The following CD6 variants were observed in gnomAD, a reference collection of about 807,000 sequenced individuals.
CD6 encodes the protein CD6 molecule, also known as T-cell differentiation antigen CD6.
In CD6, 53 loss-of-function variants were observed where a neutral mutation model predicts 75.3. The observed-to-expected ratio is 0.70, with a 90% CI of 0.56 to 0.88. The LOEUF (loss-of-function observed/expected upper bound fraction) is 0.88. Ranked by LOEUF, CD6 falls within the 40% of genes least tolerant of loss-of-function variation. The pLI is 0.00. For missense variants in CD6, 770 were observed against 897.1 expected, an observed-to-expected ratio of 0.86 and a Z score of 1.81; for synonymous variants, 359 against 381.5, an observed-to-expected ratio of 0.94 and a Z score of 0.69.
rs796670988 is a variant in CD6, at chr11:61,000,592, C to G, written c.50-5982C>G. On this transcript the variant is annotated intron_variant, in intron 1 of 12. Coordinates refer to ENST00000313421, the MANE Select transcript of CD6 (RefSeq NM_006725.5). ...GCCAGGGCGGCATTCTGGGGAGTGC[C>G]TTGTTTCCCCACCAGGCTTGCTCTG... is the stretch of plus-strand genomic sequence containing the variant. Among the ~76,000 whole-genome samples, 4 of 152,170 alleles carry G rather than the reference C, an allele frequency of 2.6e-5. No individual in the cohort carries two copies. In the South Asian group the frequency reaches 8.3e-4, roughly 32 times the overall value.
intron 6 of CD6, 150 bp from the exon 7 acceptor site, chr11:61,013,273 A>C: frequency 1.2e-6 from 1 of 852,254 alleles, no homozygotes; most frequent in Non-Finnish European, 1.8e-6. Flanking sequence ...TACACCACAC[A>C]CTTAAAAGCA....
rs547790462 is a variant in CD6, at chr11:60,992,342, T to A, written c.50-14232T>A. ...GCCCAGCTTGTGAGGCTTTTTTTTT[T>A]TATATATAACTATGAGGTGAGGGAG... On this transcript the variant is annotated intron_variant, in intron 1 of 12. Coordinates refer to ENST00000313421, the MANE Select transcript of CD6 (RefSeq NM_006725.5). Among the ~76,000 whole-genome samples, 440 of 151,568 alleles carry A rather than the reference T, an allele frequency of 2.9e-3. 1 individual carries two copies. The highest frequency in any genetic ancestry group is 4.5e-3 in the Non-Finnish European group (305 of 67,858).
At chr11:60,980,626 C>T (rs1022098248) in intron 1 of CD6, among the ~76,000 whole-genome samples, 6 of 152,128 alleles carry the variant, frequency 3.9e-5, no homozygotes, top group Non-Finnish European at 8.8e-5. Context: ...GTCAGGAGTC[C>T]GAGACCAGCC....
intron 1 of CD6, among the ~76,000 whole-genome samples, chr11:61,005,272 T>C (rs1858793427): frequency 6.6e-6 from 1 of 152,208 alleles, no homozygotes; most frequent in Non-Finnish European, 1.5e-5. Flanking sequence ...GAGTGGTCAG[T>C]GAGTCCGAGT....
At chr11:60,993,058 C>T (rs11230553) in intron 1 of CD6, among the ~76,000 whole-genome samples, 36,256 of 151,828 alleles carry the variant, frequency 0.24, 4,430 homozygotes, top group East Asian at 0.31. Flanking sequence ...GGGACCTTCT[C>T]ATTTTACCAC....
chr11:61,011,285 G>A, intron 6 of CD6, 150 bp downstream of exon 6: 1 of 667,142 alleles, frequency 1.5e-6, no homozygotes, highest in Admixed American at 2.4e-5. Flanking sequence ...CCTCCCCGGG[G>A]CTCTCTGGGT....
Position 61,008,517 on chromosome 11 carries a change from C to G in CD6, c.470-17C>G. On this transcript the variant is annotated splice_polypyrimidine_tract_variant and intron_variant, in intron 3 of 12. Coordinates refer to ENST00000313421, the MANE Select transcript of CD6 (RefSeq NM_006725.5). ...TGGTCGGGTGCCCCAGCATCCACAA[C>G]CCCCTCCCACCCCTAGAGAACCGCG... 6.4e-7 allele frequency: 1 copy of G among 1,566,472 alleles called. No homozygotes were observed. Among genetic ancestry groups the G allele is most frequent in the Non-Finnish European group, 8.7e-7 (1 of 1,154,682 alleles).
Position 61,008,615 on chromosome 11 carries a change from C to A in CD6, c.551C>A (p.Ser184Ter), listed in dbSNP as rs1229347505. ...VEMLEHGEWG[S>*]VCDDTWDLED... ...ATGCTGGAGCATGGCGAGTGGGGAT[C>A]AGTGTGCGATGACACTTGGGACCTG... The change falls in exon 4 of 13, where the codon TCA becomes TAA. Residue 184 changes from serine (S) to a stop codon, truncating the protein, a stop_gained. Transcript: ENST00000313421. LOFTEE classifies it high-confidence loss of function. The A allele has an allele frequency of 6.2e-7, 1 of 1,608,112 alleles. No homozygotes were observed. Among genetic ancestry groups the A allele is most frequent in the East Asian group, 2.2e-5 (1 of 44,652 alleles).
rs1450777082 is a variant in CD6, at chr11:61,020,062, G to A, written c.*744G>A. 4 of 398,140 alleles carry A rather than the reference G, an allele frequency of 1.0e-5. No homozygotes were observed. Among genetic ancestry groups the A allele is most frequent in the Non-Finnish European group, 1.8e-5 (4 of 226,102 alleles). 24.7% of individuals were successfully genotyped at this position (398,140 alleles called of 1,614,324 possible). A position where few individuals can be genotyped will look rare whatever the true frequency, so the allele number is the denominator to read the frequency against. ...CCTGGACAATGGGTCTTTATTCTGA[G>A]TTTCCTATGGTTTACAAAGAGGGCC... On this transcript the variant is annotated 3_prime_UTR_variant, in exon 13 of 13. Coordinates refer to ENST00000313421, the MANE Select transcript of CD6 (RefSeq NM_006725.5).
At chr11:60,995,121 G>A (rs977331261) in intron 1 of CD6, among the ~76,000 whole-genome samples, 1 of 136,936 alleles carries the variant, frequency 7.3e-6, no homozygotes, top group Admixed American at 7.1e-5. Context: ...GCCAGCGCAT[G>A]CGTCTTTTTT....
chr11:61,003,281 C>T (rs1260738250), intron 1 of CD6, among the ~76,000 whole-genome samples: 4 of 151,184 alleles, frequency 2.6e-5, no homozygotes, highest in African/African-American at 9.7e-5. Flanking sequence ...AATTCTTAAA[C>T]ATCCAACTTC....
chr11:61,018,204 C>T (rs535407080), intron 11 of CD6, 85 bp from the exon 12 acceptor site: 12 of 1,326,826 alleles, frequency 9.0e-6, no homozygotes, highest in East Asian at 5.0e-5. Flanking sequence ...ACTTGGCTCT[C>T]GTGAGTCACG....
intron 1 of CD6, among the ~76,000 whole-genome samples, chr11:60,988,362 G>A (rs1431638001): frequency 6.6e-6 from 1 of 152,194 alleles, no homozygotes; most frequent in African/African-American, 2.4e-5. Context: ...AGATCCACAT[G>A]GCCATTGGCC....
At chr11:60,985,221 T>A in intron 1 of CD6, 1 of 139,840 alleles carries the variant, frequency 7.2e-6, no homozygotes, top group East Asian at 2.3e-4. Flanking sequence ...TTCGCTCTTG[T>A]CGCTCAGGCT....
chr11:60,983,100 C>CTTT (rs34513880), intron 1 of CD6, among the ~76,000 whole-genome samples: 2 of 143,232 alleles, frequency 1.4e-5, no homozygotes, highest in Non-Finnish European at 1.5e-5. Flanking sequence ...TTTTACTTCA[C>CTTT]TTTTTTTTTT....
intron 10 of CD6, 37 bp downstream of exon 10, chr11:61,017,587 C>T: frequency 6.4e-7 from 1 of 1,559,522 alleles, no homozygotes; most frequent in Non-Finnish European, 8.8e-7. Flanking sequence ...ATGGCAGTCC[C>T]ACCTCCAGAG....
chr11:61,014,229 A>G (rs1831414514), intron 8 of CD6, among the ~76,000 whole-genome samples: 1 of 152,184 alleles, frequency 6.6e-6, no homozygotes, highest in South Asian at 2.1e-4. Flanking sequence ...CTAGGACTCT[A>G]TAGAGTTTTG....
Position 61,009,868 on chromosome 11 carries a change from T to C in CD6, c.1078T>C (p.Cys360Arg). The C allele has an allele frequency of 6.4e-7, 1 of 1,556,876 alleles. No homozygotes were observed. Among genetic ancestry groups the C allele is most frequent in the Non-Finnish European group, 8.7e-7 (1 of 1,150,448 alleles). The change falls in exon 5 of 13, where the codon TGC becomes CGC. Residue 360 changes from cysteine (C) to arginine (R), a missense_variant. Physicochemically the swap from Cys to Arg is radical, Grantham distance 180 (BLOSUM62 -3). Transcript: ENST00000313421. ...CCAGTCGCTGGCAGCCAGGGTCCTC[T>C]GCTCAGGTACCCCATCCTACTCCAC... is the stretch of plus-strand genomic sequence containing the variant. ...CSQSLAARVL[C>R]SASRSLHNLS...
rs1413747144 is a variant in CD6 at position 60,986,930 on chromosome 11, C to G, written c.49+15016C>G. 2.6e-5 allele frequency among the ~76,000 whole-genome samples: 4 copies of G among 152,128 alleles called. No individual in the cohort carries two copies. In the South Asian group the frequency reaches 8.3e-4, roughly 31 times the overall value. ...ATCACCTGAGGTCAGGAGTTCAAGA[C>G]CAGCCTGGCCAACGTGGTGAAACCC... On this transcript the variant is annotated intron_variant, in intron 1 of 12. Coordinates refer to ENST00000313421, the MANE Select transcript of CD6 (RefSeq NM_006725.5).
Sources: allele counts gnomAD v4.1 joint callset (sites outside exome capture counted in the v4.1 genomes callset), GRCh38; gene constraint gnomAD v4.1.1; transcripts MANE v1.5; gene names NCBI Gene and HGNC (gene_info 2026-07-23, HGNC 2026-07-21).